Variants in TENM4 observed in about 807,000 individuals in gnomAD.
TENM4 encodes the protein teneurin transmembrane protein 4.
In TENM4, 82 loss-of-function variants were observed where a neutral mutation model predicts 243.3. The observed-to-expected ratio is 0.34, with a 90% CI of 0.28 to 0.40. The LOEUF is 0.40. Among genes scored for constraint, TENM4 ranks in the 10% least tolerant of loss-of-function variants. The pLI, the probability that TENM4 is intolerant of heterozygous loss-of-function variation, is 1.00. For missense variants in TENM4, 3,138 were observed against 3,673.3 expected (o/e 0.85, Z 3.77); for synonymous variants, 1,412 against 1,456.3 (o/e 0.97, Z 0.69).
chr11:78,684,409 A>G (rs1858606084), intron 29 of TENM4, among the ~76,000 whole-genome samples: 1 of 152,254 alleles, frequency 6.6e-6, no homozygotes, highest in Admixed American at 6.5e-5. Context: ...TACTTGGCAT[A>G]TAGTGTTATG....
At chr11:79,019,742 GA>G (rs1200771064) in intron 6 of TENM4, among the ~76,000 whole-genome samples, 2 of 152,222 alleles carry the variant, frequency 1.3e-5, no homozygotes, top group African/African-American at 2.4e-5. Context: ...AGTCTTGTGA[GA>G]GGGGGGTTGA....
chr11:79,238,852 C>T (rs747015724), intron 2 of TENM4, among the ~76,000 whole-genome samples: 5 of 151,220 alleles, frequency 3.3e-5, no homozygotes, highest in Non-Finnish European at 5.9e-5. Context: ...TGGTGAAACC[C>T]CGTTTCTCCT....
chr11:78,864,686 C>T (rs930532689), intron 9 of TENM4, among the ~76,000 whole-genome samples: 2 of 152,154 alleles, frequency 1.3e-5, no homozygotes, highest in African/African-American at 4.8e-5. Context: ...CTCCCCTCTT[C>T]TGATGCCCAT....
intron 16 of TENM4, among the ~76,000 whole-genome samples, chr11:78,785,231 C>A (rs1307893088): frequency 6.6e-6 from 1 of 152,026 alleles, no homozygotes; most frequent in Admixed American, 6.5e-5. Context: ...GTTTCCAGGA[C>A]AAGTGTAAGG....
At chr11:78,911,325 T>C (rs897826773) in intron 6 of TENM4, among the ~76,000 whole-genome samples, 2 of 152,170 alleles carry the variant, frequency 1.3e-5, no homozygotes, top group Non-Finnish European at 2.9e-5. Flanking sequence ...TAAGACTTTA[T>C]TCTCTGTTTG....
rs76283314 is a variant in TENM4 at position 78,738,538 on chromosome 11, G to A, written c.2789C>T (p.Thr930Ile). The A allele has an allele frequency of 9.1e-3, 14,683 of 1,613,814 alleles. 78 individuals carry two copies. The highest frequency in any genetic ancestry group is 0.011 in the Non-Finnish European group (12,625 of 1,179,776). Residue 930 changes from threonine to isoleucine, a missense_variant, in exon 20 of 34, where the codon ACA becomes ATA. Coordinates refer to ENST00000278550, the MANE Select transcript of TENM4 (RefSeq NM_001098816.3). ...ACCAACCAGGGGGGTTCCATCTGAT[G>A]TCATCACTTGGCCACGAATAACACA... ...HACVIRGQVM[T>I]SDGTPLVGVN...
At chr11:79,268,244 C>T (rs1186723932) in intron 2 of TENM4, among the ~76,000 whole-genome samples, 1 of 152,154 alleles carries the variant, frequency 6.6e-6, no homozygotes, top group Non-Finnish European at 1.5e-5. Context: ...TATATGACCT[C>T]TGTTGCAACT....
At chr11:79,201,886 C>T (rs1309679086) in intron 3 of TENM4, among the ~76,000 whole-genome samples, 2 of 152,102 alleles carry the variant, frequency 1.3e-5, no homozygotes, top group African/African-American at 4.8e-5. Context: ...GGCAGAGAGG[C>T]AGGGAGACAC....
intron 21 of TENM4, among the ~76,000 whole-genome samples, chr11:78,731,617 C>T (rs1168987807): frequency 6.6e-6 from 1 of 152,226 alleles, no homozygotes; most frequent in Non-Finnish European, 1.5e-5. Flanking sequence ...CCATTAGAAA[C>T]TGGGCTGGGG....
At chr11:79,334,174 C>G (rs903626214) in intron 1 of TENM4, among the ~76,000 whole-genome samples, 1 of 152,200 alleles carries the variant, frequency 6.6e-6, no homozygotes, top group African/African-American at 2.4e-5. Context: ...AGAGCAGGTC[C>G]CAGCTGCTTT....
At chr11:78,913,170 A>T (rs1856229458) in intron 6 of TENM4, among the ~76,000 whole-genome samples, 1 of 152,232 alleles carries the variant, frequency 6.6e-6, no homozygotes, top group African/African-American at 2.4e-5. Context: ...AAAGGATGGA[A>T]TGAAAGAAAG....
In TENM4 at chr11:79,386,143, G is replaced by T. The variant is rs372709418; in HGVS notation, c.-321+54366C>A. Among the ~76,000 whole-genome samples the T allele has an allele frequency of 6.6e-5, 10 of 152,302 alleles. No homozygotes were observed. In the East Asian group the frequency reaches 1.9e-3, roughly 29 times the overall value. On this transcript the variant is annotated intron_variant, in intron 1 of 33. Transcript: ENST00000278550. Reference sequence around the variant, plus strand: ...ATCAGCCACCTGATCTATGGCAAAGGTGACCCTGTGGTACCGTGGGGAAAG... The same window carrying T: ...ATCAGCCACCTGATCTATGGCAAAGTTGACCCTGTGGTACCGTGGGGAAAG...
intron 5 of TENM4, chr11:79,067,844 C>T (rs1860304423): frequency 6.6e-6 from 1 of 152,186 alleles, no homozygotes; most frequent in African/African-American, 2.4e-5. Context: ...TCTAGCTGTG[C>T]AATCTTGGGC....
intron 25 of TENM4, among the ~76,000 whole-genome samples, chr11:78,718,462 A>G (rs1859570572): frequency 6.6e-6 from 1 of 152,244 alleles, no homozygotes; most frequent in Non-Finnish European, 1.5e-5. Flanking sequence ...ACTGGAAACC[A>G]GAAACGCCAG....
At chr11:78,885,612 A>C (rs1855532798) in intron 9 of TENM4, among the ~76,000 whole-genome samples, 1 of 152,214 alleles carries the variant, frequency 6.6e-6, no homozygotes, top group Non-Finnish European at 1.5e-5. Context: ...TTCTCAAGAC[A>C]CTTTCTAACT....
chr11:79,111,813 T>C (rs906554591), intron 4 of TENM4, among the ~76,000 whole-genome samples: 5 of 151,902 alleles, frequency 3.3e-5, no homozygotes, highest in Non-Finnish European at 5.9e-5. Context: ...ACATGGGTCA[T>C]ACAGAGAAAG....
chr11:79,424,238 G>A (rs1345664666), intron 1 of TENM4, among the ~76,000 whole-genome samples: 1 of 152,110 alleles, frequency 6.6e-6, no homozygotes, highest in Non-Finnish European at 1.5e-5. Context: ...AGTAGATAGA[G>A]GCCAGGGATG....
At chr11:78,838,647 G>A (rs1858177937) in intron 12 of TENM4, among the ~76,000 whole-genome samples, 1 of 152,172 alleles carries the variant, frequency 6.6e-6, no homozygotes, top group Non-Finnish European at 1.5e-5. Flanking sequence ...AGTTAAAGGA[G>A]TAAAGCAGGC....
In TENM4 at chr11:78,676,230, G is replaced by A. The variant is rs774727376; in HGVS notation, c.5418C>T (p.Asn1806=). Residue 1806 remains asparagine, a synonymous_variant, in exon 30 of 34, where the codon AAC becomes AAT. Transcript: ENST00000278550. ...GGCGCCACTCCACCAGGTTGAGGCC[G>A]TTGTCGATGGGCAGCGTGACATTCC... ...GKRNVTLPID[N]GLNLVEWRQR... is the part of the protein sequence containing the mutation. The A allele has an allele frequency of 2.1e-5, 33 of 1,604,636 alleles. No homozygotes were observed. The highest frequency in any genetic ancestry group is 1.6e-4 in the Middle Eastern group (1 of 6,076).
Sources: allele counts gnomAD v4.1 joint callset (sites outside exome capture counted in the v4.1 genomes callset), GRCh38; gene constraint gnomAD v4.1.1; transcripts MANE v1.5; gene names NCBI Gene and HGNC (gene_info 2026-07-23, HGNC 2026-07-21).